The following KCNJ6 variants were observed in gnomAD, a reference collection of about 807,000 sequenced individuals.
KCNJ6 encodes potassium inwardly rectifying channel subfamily J member 6.
Under a neutral mutation model 34.2 loss-of-function variants are expected in KCNJ6, and 9 were observed. That is an observed-to-expected ratio of 0.26 (90% CI 0.16 to 0.46). KCNJ6 has a LOEUF of 0.46. Ranked by LOEUF, KCNJ6 falls within the 20% of genes least tolerant of loss-of-function variation. The pLI, the probability that KCNJ6 is intolerant of heterozygous loss-of-function variation, is 1.00. For missense variants in KCNJ6, 236 were observed against 531.3 expected, an observed-to-expected ratio of 0.44 and a Z score of 5.46; for synonymous variants, 196 against 207.1, an observed-to-expected ratio of 0.95 and a Z score of 0.46.
chr21:37,809,203 T>C (rs573362179), intron 2 of KCNJ6, among the ~76,000 whole-genome samples: 1 of 152,080 alleles, frequency 6.6e-6, no homozygotes, highest in East Asian at 1.9e-4. Flanking sequence ...CCATAAAAAA[T>C]GATGAGTTCA....
chr21:37,645,681 G>A (rs2054400918), intron 3 of KCNJ6, among the ~76,000 whole-genome samples: 2 of 152,222 alleles, frequency 1.3e-5, no homozygotes, highest in South Asian at 4.1e-4. Context: ...CTCTGGGGCT[G>A]CGGTGACCCT....
chr21:37,881,343 A>G (rs1301978963), intron 1 of KCNJ6, among the ~76,000 whole-genome samples: 2 of 152,180 alleles, frequency 1.3e-5, no homozygotes, highest in East Asian at 3.9e-4. Flanking sequence ...TATTTCTCAC[A>G]GCTCTGGAGG....
chr21:37,909,823 T>G (rs1207304054), intron 1 of KCNJ6, among the ~76,000 whole-genome samples: 1 of 152,232 alleles, frequency 6.6e-6, no homozygotes, highest in Non-Finnish European at 1.5e-5. Flanking sequence ...TGGATTATAT[T>G]ATTGCCTCCA....
At chr21:37,914,353 C>G (rs530119683) in intron 1 of KCNJ6, among the ~76,000 whole-genome samples, 1 of 152,268 alleles carries the variant, frequency 6.6e-6, no homozygotes, top group East Asian at 1.9e-4. Flanking sequence ...TCACCCTCGG[C>G]GCCTGGGCTC....
In KCNJ6 at chr21:37,915,879, C is replaced by G. The variant is rs1429158678; in HGVS notation, c.-28+5G>C. 6.6e-6 allele frequency: 1 copy of G among 152,352 alleles called. No homozygotes were observed. The highest frequency in any genetic ancestry group is 1.5e-5 in the Non-Finnish European group (1 of 68,128). The allele number at this position is 152,352 out of a possible 1,614,324, so 9.4% of individuals were successfully genotyped here. On this transcript the variant is annotated splice_donor_5th_base_variant and intron_variant, in intron 1 of 3. Coordinates refer to ENST00000609713, the MANE Select transcript of KCNJ6 (RefSeq NM_002240.5). The stretch of plus-strand genomic sequence containing the variant: ...CGCCTGCGAGCAGCTCAGCGCACCG[C>G]TTACCTGGCTGCGGACGGGGTGGCT...
chr21:37,684,378 A>G (rs2054604055), intron 3 of KCNJ6, among the ~76,000 whole-genome samples: 2 of 151,642 alleles, frequency 1.3e-5, no homozygotes, highest in Non-Finnish European at 2.9e-5. Flanking sequence ...CACCAGCCAC[A>G]TCGGACTATG....
intron 3 of KCNJ6, among the ~76,000 whole-genome samples, chr21:37,655,208 TGTGTGTGTGTGTGTGTGAGAGAGAGA>T (rs1569438793): frequency 7.8e-5 from 6 of 77,290 alleles, no homozygotes; most frequent in Admixed American, 3.3e-4. Flanking sequence ...TGTGTGTGTG[TGTGTGTGTGTGTGTGTGAGAGAGAGA>T]GAGAGAGAGA....
chr21:37,907,883 T>C (rs182377387), intron 1 of KCNJ6, among the ~76,000 whole-genome samples: 1 of 152,350 alleles, frequency 6.6e-6, no homozygotes, highest in Non-Finnish European at 1.5e-5. Flanking sequence ...TGTTGGATTA[T>C]ATCCCTTTTA....
chr21:37,863,790 C>A (rs1034525204), intron 1 of KCNJ6, among the ~76,000 whole-genome samples: 2 of 144,396 alleles, frequency 1.4e-5, no homozygotes, highest in Non-Finnish European at 3.0e-5. Flanking sequence ...TGCTCCATGG[C>A]TCCTAAAAGT....
intron 2 of KCNJ6, among the ~76,000 whole-genome samples, chr21:37,773,156 T>C (rs1012958517): frequency 7.2e-5 from 11 of 152,182 alleles, no homozygotes; most frequent in Non-Finnish European, 2.9e-5. Context: ...CCTTTTCCAC[T>C]GTTTTCTTGA....
At chr21:37,864,899 CTTG>C (rs2055614643) in intron 1 of KCNJ6, among the ~76,000 whole-genome samples, 2 of 142,728 alleles carry the variant, frequency 1.4e-5, no homozygotes, top group South Asian at 2.2e-4. Context: ...GAGACTGGGT[CTTG>C]TTGTATTGCC....
In KCNJ6 at chr21:37,739,322, C is replaced by A. The variant is rs950307067; in HGVS notation, c.26-24191G>T. 2.0e-5 allele frequency among the ~76,000 whole-genome samples: 3 copies of A among 152,054 alleles called. No individual in the cohort carries two copies. The East Asian group carries it at 5.8e-4, about 29-fold the overall frequency. On this transcript the variant is annotated intron_variant, in intron 2 of 3. Transcript: ENST00000609713. ...ATATTTCCACTGGGCAGGGCTGTTACAGAACATCCAGTACTGAGGAACGCC... is the reference window on the plus strand; with the variant it reads ...ATATTTCCACTGGGCAGGGCTGTTAAAGAACATCCAGTACTGAGGAACGCC...
At chr21:37,640,993 A>C (rs2054378346) in intron 3 of KCNJ6, among the ~76,000 whole-genome samples, 1 of 152,238 alleles carries the variant, frequency 6.6e-6, no homozygotes, top group African/African-American at 2.4e-5. Context: ...GCGTGCATGC[A>C]TGTAATGGGG....
intron 1 of KCNJ6, among the ~76,000 whole-genome samples, chr21:37,913,816 T>TA (rs988248045): frequency 5.3e-5 from 8 of 152,084 alleles, no homozygotes; most frequent in Admixed American, 1.3e-4. Flanking sequence ...AGACTCCGTC[T>TA]AAAAAAGAAA....
At chr21:37,798,269 C>A (rs191742565) in intron 2 of KCNJ6, among the ~76,000 whole-genome samples, 2 of 152,272 alleles carry the variant, frequency 1.3e-5, no homozygotes, top group African/African-American at 2.4e-5. Context: ...TGGGGCACAG[C>A]GGAGCAAGCA....
At chr21:37,881,868 C>T (rs751813598) in intron 1 of KCNJ6, among the ~76,000 whole-genome samples, 4 of 152,160 alleles carry the variant, frequency 2.6e-5, no homozygotes, top group Non-Finnish European at 4.4e-5. Context: ...GACAAAAGGA[C>T]AGCTGGGTCC....
At chr21:37,839,606 A>G (rs189509902) in intron 2 of KCNJ6, among the ~76,000 whole-genome samples, 219 of 152,324 alleles carry the variant, frequency 1.4e-3, no homozygotes, top group African/African-American at 5.0e-3. Flanking sequence ...TAAGGTGTTC[A>G]TGGAGAAGTG....
chr21:37,625,557 C>A, intron 3 of KCNJ6, 73 bp from the exon 4 acceptor site: 1 of 1,115,612 alleles, frequency 9.0e-7, no homozygotes. Context: ...CACAGAGAGC[C>A]AGGAGGAGTA....
chr21:37,897,397 G>A (rs1485673484), intron 1 of KCNJ6, among the ~76,000 whole-genome samples: 1 of 152,190 alleles, frequency 6.6e-6, no homozygotes, highest in Non-Finnish European at 1.5e-5. Flanking sequence ...TGAGCAGAGG[G>A]AGCCTCAGCC....
Sources: allele counts gnomAD v4.1 joint callset (sites outside exome capture counted in the v4.1 genomes callset), GRCh38; gene constraint gnomAD v4.1.1; transcripts MANE v1.5; gene names NCBI Gene and HGNC (gene_info 2026-07-23, HGNC 2026-07-21).